LHFPL6: variants seen among roughly 807,000 people sequenced by gnomAD.
LHFPL6 encodes LHFPL tetraspan subfamily member 6.
Under a neutral mutation model 20.6 loss-of-function variants are expected in LHFPL6, and 9 were observed. The ratio of observed to expected loss-of-function variants is 0.44; its 90% CI spans 0.26 to 0.76. LHFPL6 has a LOEUF of 0.76. Among genes scored for constraint, LHFPL6 ranks in the 30% least tolerant of loss-of-function variants. The pLI is 0.20. For synonymous variants in LHFPL6, 105 were observed against 98.7 expected, an observed-to-expected ratio of 1.06 and a Z score of -0.38; for missense variants, 218 against 253.5, an observed-to-expected ratio of 0.86 and a Z score of 0.95.
At chr13:39,537,993 T>TTTC (rs1491210597) in intron 2 of LHFPL6, among the ~76,000 whole-genome samples, 1 of 4,820 alleles carries the variant, frequency 2.1e-4, no homozygotes, top group African/African-American at 7.5e-4. Context: ...TCTTTCTTTC[T>TTTC]TTTTTTTTTT....
At chr13:39,426,103 T>G (rs1871629371) in intron 2 of LHFPL6, among the ~76,000 whole-genome samples, 1 of 152,206 alleles carries the variant, frequency 6.6e-6, no homozygotes, top group Non-Finnish European at 1.5e-5. Context: ...TACCACTATT[T>G]CCAAAACTTT....
chr13:39,560,172 A>G (rs899177121), intron 2 of LHFPL6, among the ~76,000 whole-genome samples: 4 of 152,340 alleles, frequency 2.6e-5, no homozygotes, highest in Non-Finnish European at 5.9e-5. Context: ...ATAAGTTAAC[A>G]AATACCTCCT....
intron 2 of LHFPL6, among the ~76,000 whole-genome samples, chr13:39,526,188 T>C (rs1488760818): frequency 6.6e-6 from 1 of 152,238 alleles, no homozygotes; most frequent in African/African-American, 2.4e-5. Context: ...CAGGAACTTA[T>C]TCACTGTTAT....
At chr13:39,388,206 C>T (rs1198039009) in intron 2 of LHFPL6, among the ~76,000 whole-genome samples, 3 of 152,194 alleles carry the variant, frequency 2.0e-5, no homozygotes, top group Non-Finnish European at 4.4e-5. Flanking sequence ...GAGTATACTT[C>T]GGGTTTCCTT....
At chr13:39,502,195 G>A (rs1041245771) in intron 2 of LHFPL6, among the ~76,000 whole-genome samples, 1 of 152,212 alleles carries the variant, frequency 6.6e-6, no homozygotes, top group African/African-American at 2.4e-5. Context: ...TCTGAGGCTA[G>A]AGGTTAAGTA....
chr13:39,448,448 G>T (rs1872352303), intron 2 of LHFPL6, among the ~76,000 whole-genome samples: 1 of 152,214 alleles, frequency 6.6e-6, no homozygotes, highest in Non-Finnish European at 1.5e-5. Context: ...GTTATCTAAA[G>T]AATCTAGCAC....
In LHFPL6 at chr13:39,434,962, A is replaced by AG. The variant is rs1282398696; in HGVS notation, c.386-56437dup. ...TCCCAGCTACTCGGGAGGCTGAGGC[A>AG]GGAGAATGGCGTGAACCCAGGAAGT... On this transcript the variant is annotated intron_variant, in intron 2 of 3. Transcript: ENST00000379589. Among the ~76,000 whole-genome samples, 4 of 146,350 alleles carry AG rather than the reference A, an allele frequency of 2.7e-5. 1 individual carries two copies. The South Asian group carries it at 6.7e-4, about 24-fold the overall frequency.
rs1166807251 is a variant in LHFPL6, at chr13:39,523,208, T to C, written c.385+77624A>G. On this transcript the variant is annotated intron_variant, in intron 2 of 3. Coordinates refer to ENST00000379589, the MANE Select transcript of LHFPL6 (RefSeq NM_005780.3). ...TGTGGTCTCTGTTAACTCTTATTATTATCCCTATTATGGAGGGTTAGATTT... is the reference window on the plus strand; with the variant it reads ...TGTGGTCTCTGTTAACTCTTATTATCATCCCTATTATGGAGGGTTAGATTT... Among the ~76,000 whole-genome samples, 3 of 152,196 alleles carry C rather than the reference T, an allele frequency of 2.0e-5. No homozygotes were observed. In the East Asian group the frequency reaches 5.8e-4, roughly 29 times the overall value.
chr13:39,441,933 G>A (rs923164045), intron 2 of LHFPL6, among the ~76,000 whole-genome samples: 6 of 149,400 alleles, frequency 4.0e-5, no homozygotes, highest in Admixed American at 1.4e-4. Context: ...AGGTTCAAGC[G>A]ATTCTCCTGC....
At chr13:39,527,561 G>A (rs1870331389) in intron 2 of LHFPL6, among the ~76,000 whole-genome samples, 1 of 150,008 alleles carries the variant, frequency 6.7e-6, no homozygotes, top group Non-Finnish European at 1.5e-5. Context: ...CAGGTTTCAA[G>A]TCTTGCACTG....
chr13:39,415,176 ATAC>A (rs1314973733), intron 2 of LHFPL6, among the ~76,000 whole-genome samples: 1 of 152,214 alleles, frequency 6.6e-6, no homozygotes, highest in African/African-American at 2.4e-5. Context: ...ATCTGGAAAA[ATAC>A]CATGACTGAG....
chr13:39,409,494 T>C lies in LHFPL6; in HGVS notation c.386-30968A>G, dbSNP rs79730419. Among the ~76,000 whole-genome samples, 961 of 152,040 alleles carry C rather than the reference T, an allele frequency of 6.3e-3. 15 individuals carry two copies. Among genetic ancestry groups the C allele is most frequent in the Non-Finnish European group, 6.3e-3 (427 of 67,962 alleles). ...AAAAAAACAAAAAAAACATTTGAAA[T>C]GTACTGAGATACTACGCATGACCAC... is the stretch of plus-strand genomic sequence containing the variant. On this transcript the variant is annotated intron_variant, in intron 2 of 3. Coordinates refer to ENST00000379589, the MANE Select transcript of LHFPL6 (RefSeq NM_005780.3).
In LHFPL6 at chr13:39,344,071, G is replaced by A. The variant is rs754777623; in HGVS notation, c.485-17C>T. 8.2e-6 allele frequency: 13 copies of A among 1,593,110 alleles called. No homozygotes were observed. Among genetic ancestry groups the A allele is most frequent in the Non-Finnish European group, 9.5e-6 (11 of 1,163,438 alleles). ...CACACTTCCCTAAGGACAAAGGAAG[G>A]GGAAAGAAGAAAGTCACAGATGAGG... On this transcript the variant is annotated splice_polypyrimidine_tract_variant and intron_variant, in intron 3 of 3. Coordinates refer to ENST00000379589, the MANE Select transcript of LHFPL6 (RefSeq NM_005780.3).
At chr13:39,404,711 T>C (rs113719739) in intron 2 of LHFPL6, among the ~76,000 whole-genome samples, 10 of 152,312 alleles carry the variant, frequency 6.6e-5, no homozygotes, top group African/African-American at 2.4e-4. Flanking sequence ...CTCCATCTCA[T>C]AGCTTTCTGT....
Position 39,584,188 on chromosome 13 carries a change from T to A in LHFPL6, c.385+16644A>T, listed in dbSNP as rs1872374175. Among the ~76,000 whole-genome samples the A allele has an allele frequency of 3.3e-5, 5 of 152,286 alleles. No individual in the cohort carries two copies. The South Asian group carries it at 1.0e-3, about 32-fold the overall frequency. ...AGACTTTTCTGAGCAGCAATGTATC[T>A]CCAAGGCCTAGAGCAGAGCCTGACA... On this transcript the variant is annotated intron_variant, in intron 2 of 3. Transcript: ENST00000379589.
intron 3 of LHFPL6, among the ~76,000 whole-genome samples, chr13:39,376,531 G>A (rs1870298299): frequency 6.6e-6 from 1 of 152,172 alleles, no homozygotes; most frequent in Non-Finnish European, 1.5e-5. Context: ...TTCGACGGAA[G>A]TAGAGTGGTT....
intron 2 of LHFPL6, among the ~76,000 whole-genome samples, chr13:39,387,475 G>A (rs1173639222): frequency 6.7e-6 from 1 of 149,464 alleles, no homozygotes; most frequent in Non-Finnish European, 1.5e-5. Flanking sequence ...TGAACCGGGA[G>A]GCAGAGGTTG....
chr13:39,595,095 T>C (rs1349718875), intron 2 of LHFPL6, among the ~76,000 whole-genome samples: 1 of 152,158 alleles, frequency 6.6e-6, no homozygotes, highest in Non-Finnish European at 1.5e-5. Flanking sequence ...TGTGCACATG[T>C]ACCCTAAAAC....
At chr13:39,395,649 G>A (rs895485629) in intron 2 of LHFPL6, among the ~76,000 whole-genome samples, 2 of 152,144 alleles carry the variant, frequency 1.3e-5, no homozygotes, top group Non-Finnish European at 2.9e-5. Flanking sequence ...TTTGTGGGTG[G>A]ACCCTGTGCT....
Sources: gnomAD v4.1 joint callset for allele counts (sites outside exome capture counted in the v4.1 genomes callset) on GRCh38, gnomAD v4.1.1 for gene constraint, MANE v1.5 for transcripts, NCBI Gene and HGNC (gene_info 2026-07-23, HGNC 2026-07-21) for gene names.